FGD6: variants seen among roughly 807,000 people sequenced by gnomAD.
FGD6 encodes the protein FYVE, RhoGEF and PH domain-containing protein 6.
A neutral mutation model predicts 149.4 loss-of-function variants in FGD6; 90 were observed. That is an observed-to-expected ratio of 0.60 (90% CI 0.51 to 0.72). The LOEUF is 0.72. FGD6 is among the 30% of genes least tolerant of loss of function. The probability of loss-of-function intolerance (pLI) is 0.00; values close to 1 mark genes in which losing one functional copy is unlikely to be tolerated. For synonymous variants in FGD6, 527 were observed against 584.0 expected (o/e 0.90, Z 1.41); for missense variants, 1,437 against 1,684.8 (o/e 0.85, Z 2.57).
At chr12:95,082,109 T>TAAAG (rs1313595899) in intron 20 of FGD6, among the ~76,000 whole-genome samples, 2 of 152,214 alleles carry the variant, frequency 1.3e-5, no homozygotes, top group Non-Finnish European at 2.9e-5. Context: ...ATTTCATGTA[T>TAAAG]AAAGGTTCTA....
chr12:95,184,395 A>G (rs1881367020), intron 2 of FGD6, among the ~76,000 whole-genome samples: 1 of 152,180 alleles, frequency 6.6e-6, no homozygotes, highest in East Asian at 1.9e-4. Flanking sequence ...TATACAAGTA[A>G]GCCTATTTGC....
intron 9 of FGD6, among the ~76,000 whole-genome samples, chr12:95,112,797 T>C (rs147694633): frequency 1.3e-5 from 2 of 152,282 alleles, no homozygotes; most frequent in Admixed American, 6.5e-5. Context: ...GAGTCCCTCA[T>C]GTTGTAATGG....
At chr12:95,213,807 C>T (rs1247129575) in intron 1 of FGD6, among the ~76,000 whole-genome samples, 1 of 152,172 alleles carries the variant, frequency 6.6e-6, no homozygotes, top group Non-Finnish European at 1.5e-5. Flanking sequence ...AGTCCTATTA[C>T]GTACATAAAA....
intron 8 of FGD6, chr12:95,125,792 G>C: frequency 1.3e-6 from 1 of 767,852 alleles, no homozygotes; most frequent in Non-Finnish European, 2.4e-6. Context: ...AGGTTGGCTG[G>C]GCAACCTACG....
In FGD6 at chr12:95,210,344, T is replaced by C. The variant is rs74379313; in HGVS notation, c.940A>G (p.Thr314Ala). 17 of 1,613,716 alleles carry C rather than the reference T, an allele frequency of 1.1e-5. No homozygotes were observed. The East Asian group carries it at 3.6e-4, about 34-fold the overall frequency. Residue 314 changes from threonine (T) to alanine (A), a missense_variant, in exon 2 of 21, where the codon ACT (threonine) becomes GCT (alanine). Thr to Ala is a moderately conservative substitution (Grantham distance 58, BLOSUM62 0). Coordinates refer to ENST00000343958, the MANE Select transcript of FGD6 (RefSeq NM_018351.4). ...GTTCGTGTCTTTCTGGGCTTGGGAG[T>C]TGGAAATTTTGGGGTATATGGTACT... ...HLVPYTPKFP[T>A]PKPRKTRTAR... is the part of the protein sequence containing the mutation.
At chr12:95,167,054 A>C (rs1454851182) in intron 3 of FGD6, among the ~76,000 whole-genome samples, 2 of 151,936 alleles carry the variant, frequency 1.3e-5, no homozygotes, top group Non-Finnish European at 2.9e-5. Context: ...ACGGGATTTC[A>C]CCATGTTGGT....
At chr12:95,191,503 C>T (rs1382303430) in intron 2 of FGD6, among the ~76,000 whole-genome samples, 1 of 152,196 alleles carries the variant, frequency 6.6e-6, no homozygotes, top group Non-Finnish European at 1.5e-5. Context: ...CAGTGTTTAA[C>T]CTGACCACTG....
chr12:95,172,426 T>C (rs1032382918), intron 3 of FGD6, among the ~76,000 whole-genome samples, 174 bp downstream of exon 3: 1 of 152,196 alleles, frequency 6.6e-6, no homozygotes, highest in African/African-American at 2.4e-5. Context: ...TGATACATAC[T>C]TGGTAACATG....
intron 2 of FGD6, among the ~76,000 whole-genome samples, chr12:95,196,402 T>G (rs1028268389): frequency 1.3e-5 from 2 of 151,926 alleles, no homozygotes; most frequent in Non-Finnish European, 2.9e-5. Flanking sequence ...AGCTAATTTT[T>G]TGTCTTTTTA....
At chr12:95,138,593 C>A (rs1057357025) in intron 6 of FGD6, among the ~76,000 whole-genome samples, 1 of 152,006 alleles carries the variant, frequency 6.6e-6, no homozygotes, top group East Asian at 1.9e-4. Flanking sequence ...CATACAAAGG[C>A]CTGCCCTTTC....
Position 95,217,321 on chromosome 12 carries a change from T to C in FGD6, c.-81A>G. On this transcript the variant is annotated 5_prime_UTR_variant, in exon 1 of 21. Coordinates refer to ENST00000343958, the MANE Select transcript of FGD6 (RefSeq NM_018351.4). ...CAGTCCATTGTTCCCACAGTTCGGG[T>C]AGGAGAGAAAAGCCCCCGCAGCGCC... The C allele has an allele frequency of 4.6e-6, 7 of 1,505,654 alleles. No individual in the cohort carries two copies. Among genetic ancestry groups the C allele is most frequent in the Non-Finnish European group, 5.4e-6 (6 of 1,119,670 alleles). 93.3% of individuals were successfully genotyped at this position (1,505,654 alleles called of 1,614,324 possible).
chr12:95,088,552 C>T (rs1877950088), intron 18 of FGD6, among the ~76,000 whole-genome samples: 2 of 152,036 alleles, frequency 1.3e-5, no homozygotes, highest in South Asian at 2.1e-4. Context: ...CATAGAATTA[C>T]CATATGAGCA....
At position 95,196,849 on chromosome 12, in the gene FGD6, A is replaced by G. The variant is rs180986320; in HGVS notation, c.2441+11994T>C. On this transcript the variant is annotated intron_variant, in intron 2 of 20. Transcript: ENST00000343958. ...GAGACAAGGTCTCACTATATTGCCCAGGCTGGTCTCAAACTCCTGCCTCAA... is the reference window on the plus strand; with the variant it reads ...GAGACAAGGTCTCACTATATTGCCCGGGCTGGTCTCAAACTCCTGCCTCAA... Among the ~76,000 whole-genome samples, 1,321 of 151,712 alleles carry G rather than the reference A, an allele frequency of 8.7e-3. 56 individuals carry two copies. The highest frequency in any genetic ancestry group is 0.074 in the Admixed American group (1,135 of 15,238).
chr12:95,134,143 G>GT (rs1185881166), intron 8 of FGD6, among the ~76,000 whole-genome samples: 6 of 151,876 alleles, frequency 4.0e-5, no homozygotes, highest in East Asian at 3.9e-4. Context: ...CATTATTCCT[G>GT]TTTTTTTTAG....
At chr12:95,095,551 C>T (rs1183261795) in intron 14 of FGD6, among the ~76,000 whole-genome samples, 2 of 151,510 alleles carry the variant, frequency 1.3e-5, no homozygotes, top group African/African-American at 4.9e-5. Flanking sequence ...TATACATACA[C>T]AGTACAGAAA....
rs1222240163 is a variant in FGD6, at chr12:95,210,247, C to A, written c.1037G>T (p.Ser346Ile). ...ATTTTCAGTAAGACAGGAAGAGCTA[C>A]TGTCTGAATTCCCCGGTTCTTCAGT... is the stretch of plus-strand genomic sequence containing the variant. ...ESTEEPGNSD[S>I]SSSCLTENSL... Residue 346 changes from serine (S) to isoleucine (I), a missense_variant, in exon 2 of 21, where the codon AGT becomes ATT. Around this residue, in one of 2 missense-constraint regions of FGD6, gnomAD observed 1,055 missense variants for 1,146.0 expected, o/e 0.92. Coordinates refer to ENST00000343958, the MANE Select transcript of FGD6 (RefSeq NM_018351.4). 6.2e-7 allele frequency: 1 copy of A among 1,614,060 alleles called. No homozygotes were observed. Among genetic ancestry groups the A allele is most frequent in the African/African-American group, 1.3e-5 (1 of 74,920 alleles).
At chr12:95,145,909 A>G (rs1366423148) in intron 5 of FGD6, among the ~76,000 whole-genome samples, 1 of 152,088 alleles carries the variant, frequency 6.6e-6, no homozygotes, top group African/African-American at 2.4e-5. Context: ...CCTGACCTCA[A>G]GTGAACCACC....
At chr12:95,164,355 C>A (rs1371196297) in intron 3 of FGD6, among the ~76,000 whole-genome samples, 1 of 151,678 alleles carries the variant, frequency 6.6e-6, no homozygotes. Context: ...CATTCTCCTG[C>A]CTCAGCAGCT....
In FGD6 at chr12:95,093,720, G is replaced by A. The variant is rs144161429; in HGVS notation, c.3600+872C>T. Among the ~76,000 whole-genome samples, 855 of 150,736 alleles carry A rather than the reference G, an allele frequency of 5.7e-3. 39 individuals carry two copies. In the East Asian group the frequency reaches 0.14, roughly 25 times the overall value. On this transcript the variant is annotated intron_variant, in intron 15 of 20. Coordinates refer to ENST00000343958, the MANE Select transcript of FGD6 (RefSeq NM_018351.4). ...AAAAATTAGCTGGTCATGGTGGCAC[G>A]TGCCTGTAGTCCCAGCTACTTGGGA... is the stretch of plus-strand genomic sequence containing the variant.
Sources: allele counts gnomAD v4.1 joint callset (sites outside exome capture counted in the v4.1 genomes callset), GRCh38; gene constraint gnomAD v4.1.1; regional missense constraint gnomAD v4.1.1; transcripts MANE v1.5; gene names NCBI Gene and HGNC (gene_info 2026-07-23, HGNC 2026-07-21).